Variants in CNTN4 observed in about 807,000 individuals in gnomAD.
The protein encoded by CNTN4 is contactin-4.
Under a neutral mutation model 122.5 loss-of-function variants are expected in CNTN4, and 77 were observed. That is an observed-to-expected ratio of 0.63 (90% CI 0.52 to 0.76). CNTN4 has a LOEUF of 0.76. Among genes scored for constraint, CNTN4 ranks in the 30% least tolerant of loss-of-function variants. The pLI is 0.00. For synonymous variants in CNTN4, 512 were observed against 447.0 expected (o/e 1.15, Z -1.83); for missense variants, 1,256 against 1,259.1 (o/e 1.00, Z 0.04).
chr3:2,576,551 CT>C (rs11313015), intron 4 of CNTN4, among the ~76,000 whole-genome samples: 69,521 of 130,858 alleles, frequency 0.53, 16,729 homozygotes, highest in East Asian at 0.66. Flanking sequence ...CTGTTTTTTT[CT>C]TTTTTTTTTT....
At chr3:2,541,921 G>T (rs2078046609) in intron 3 of CNTN4, among the ~76,000 whole-genome samples, 1 of 152,074 alleles carries the variant, frequency 6.6e-6, no homozygotes, top group Admixed American at 6.6e-5. Flanking sequence ...CTGTGGAACT[G>T]AGTTGTGAAA....
chr3:2,605,997 A>G (rs1015339638), intron 4 of CNTN4, among the ~76,000 whole-genome samples: 1 of 152,208 alleles, frequency 6.6e-6, no homozygotes, highest in Non-Finnish European at 1.5e-5. Context: ...GGCCTGAGCC[A>G]AGAGGACTGA....
rs561797035 is a variant in CNTN4, at chr3:2,787,236, C to T, written c.359-32250C>T. 2.9e-4 allele frequency among the ~76,000 whole-genome samples: 44 copies of T among 152,062 alleles called. 1 individual carries two copies. In the East Asian group the frequency reaches 6.2e-3, roughly 22 times the overall value. On this transcript the variant is annotated intron_variant, in intron 6 of 24. Transcript: ENST00000418658. ...TATTAAAAATACAAAAACAGCCAGT[C>T]GTGGTGGCGGGCGCCTGTAGTCCCA...
chr3:2,636,556 G>A (rs2082665767), intron 4 of CNTN4, among the ~76,000 whole-genome samples: 1 of 152,046 alleles, frequency 6.6e-6, no homozygotes, highest in Admixed American at 6.6e-5. Context: ...CCTCCTTAAT[G>A]CATTTTTTTA....
At chr3:2,538,107 C>T (rs576406454) in intron 3 of CNTN4, among the ~76,000 whole-genome samples, 21 of 152,054 alleles carry the variant, frequency 1.4e-4, no homozygotes, top group Non-Finnish European at 1.9e-4. Context: ...TGACTGGTGT[C>T]CTTATAAAAG....
intron 2 of CNTN4, among the ~76,000 whole-genome samples, chr3:2,276,160 A>G (rs1176140470): frequency 6.6e-6 from 1 of 151,566 alleles, no homozygotes; most frequent in East Asian, 1.9e-4. Flanking sequence ...TTTTTGCTTA[A>G]TTAATTAATT....
chr3:2,219,527 T>G (rs1377851434), intron 2 of CNTN4, among the ~76,000 whole-genome samples: 1 of 152,210 alleles, frequency 6.6e-6, no homozygotes, highest in African/African-American at 2.4e-5. Flanking sequence ...CCCCCTCAGT[T>G]ATCCACTGAA....
chr3:2,363,900 T>A (rs1575466168), intron 3 of CNTN4, among the ~76,000 whole-genome samples: 1 of 152,240 alleles, frequency 6.6e-6, no homozygotes, highest in Admixed American at 6.5e-5. Context: ...ATAGCTTTAA[T>A]GTAGGTGATT....
chr3:2,276,962 G>T (rs1439374046), intron 2 of CNTN4, among the ~76,000 whole-genome samples: 1 of 152,008 alleles, frequency 6.6e-6, no homozygotes, highest in Non-Finnish European at 1.5e-5. Context: ...TAATTCAGTT[G>T]CTTTAAAAAA....
intron 3 of CNTN4, among the ~76,000 whole-genome samples, chr3:2,431,212 A>G (rs1311775041): frequency 1.3e-5 from 2 of 152,254 alleles, no homozygotes; most frequent in African/African-American, 4.8e-5. Flanking sequence ...CACCTGTACT[A>G]GAATATTATA....
intron 2 of CNTN4, among the ~76,000 whole-genome samples, chr3:2,134,717 C>T (rs1487587672): frequency 1.3e-5 from 2 of 152,148 alleles, no homozygotes; most frequent in African/African-American, 4.8e-5. Context: ...TGAACACCCT[C>T]AGTGCAAGGG....
chr3:2,953,363 C>T (rs1212509609), intron 13 of CNTN4, among the ~76,000 whole-genome samples: 2 of 152,084 alleles, frequency 1.3e-5, no homozygotes, highest in Non-Finnish European at 2.9e-5. Context: ...CCATTTGACA[C>T]AGGCGGTAGA....
chr3:2,605,486 C>A (rs1559295544), intron 4 of CNTN4, among the ~76,000 whole-genome samples: 1 of 152,060 alleles, frequency 6.6e-6, no homozygotes, highest in East Asian at 1.9e-4. Flanking sequence ...AAAGGGGTGT[C>A]TTGATATGAT....
chr3:2,770,403 C>A (rs1248419321), intron 6 of CNTN4, among the ~76,000 whole-genome samples: 1 of 152,214 alleles, frequency 6.6e-6, no homozygotes, highest in South Asian at 2.1e-4. Flanking sequence ...GGCAGTATTG[C>A]CTTTTGCACA....
At chr3:2,101,271 A>G (rs912398280) in intron 2 of CNTN4, among the ~76,000 whole-genome samples, 4 of 152,232 alleles carry the variant, frequency 2.6e-5, no homozygotes, top group African/African-American at 9.6e-5. Flanking sequence ...TTTTCTTCTG[A>G]AATGTATACA....
chr3:2,105,372 A>G (rs13319391), intron 2 of CNTN4, among the ~76,000 whole-genome samples: 26,615 of 152,168 alleles, frequency 0.17, 2,876 homozygotes, highest in Non-Finnish European at 0.25. Context: ...ATATTAGTCT[A>G]TTCTCACACT....
At chr3:3,019,869 A>G (rs1422709869) in intron 14 of CNTN4, among the ~76,000 whole-genome samples, 1 of 150,164 alleles carries the variant, frequency 6.7e-6, no homozygotes, top group Non-Finnish European at 1.5e-5. Context: ...AAAATAAGCA[A>G]ATACAGTAAA....
At chr3:2,861,645 G>T (rs1350777404) in intron 7 of CNTN4, among the ~76,000 whole-genome samples, 1 of 152,124 alleles carries the variant, frequency 6.6e-6, no homozygotes, top group African/African-American at 2.4e-5. Flanking sequence ...CATGTCTCCT[G>T]ACTTAACTCT....
rs13067202 is a variant in CNTN4 at position 2,840,616 on chromosome 3, G to T, written c.454+21035G>T. Among the ~76,000 whole-genome samples, 57 of 113,648 alleles carry T rather than the reference G, an allele frequency of 5.0e-4. No individual in the cohort carries two copies. The South Asian group carries it at 0.019, about 39-fold the overall frequency. 74.6% of individuals were successfully genotyped at this position (113,648 alleles called of 152,430 possible). A position where few individuals can be genotyped will look rare whatever the true frequency, so the allele number is the denominator to read the frequency against. ...CGGGAGGCTGAGGCGGGAGAATGGC[G>T]GGAACCCGGGAGGCGGAGCTTGCAG... On this transcript the variant is annotated intron_variant, in intron 7 of 24. Transcript: ENST00000418658.
Sources: allele counts gnomAD v4.1 joint callset (sites outside exome capture counted in the v4.1 genomes callset), GRCh38; gene constraint gnomAD v4.1.1; transcripts MANE v1.5; gene names NCBI Gene and HGNC (gene_info 2026-07-23, HGNC 2026-07-21).